Variants in CHD9 observed in about 807,000 individuals in gnomAD.
CHD9 encodes ATP-dependent chromatin remodeler CHD9.
A neutral mutation model predicts 316.1 loss-of-function variants in CHD9; 77 were observed. That is an observed-to-expected ratio of 0.24 (90% CI 0.20 to 0.29). The LOEUF is 0.29. Ranked by LOEUF, CHD9 falls within the 10% of genes least tolerant of loss-of-function variation. CHD9 has a pLI of 1.00. For missense variants in CHD9, 2,763 were observed against 3,438.1 expected, an observed-to-expected ratio of 0.80 and a Z score of 4.91; for synonymous variants, 1,129 against 1,158.3, an observed-to-expected ratio of 0.97 and a Z score of 0.51.
chr16:53,282,085 T>A (rs190094975), intron 24 of CHD9, among the ~76,000 whole-genome samples: 1 of 152,298 alleles, frequency 6.6e-6, no homozygotes, highest in East Asian at 1.9e-4. Flanking sequence ...TCTGATCCAC[T>A]TGTAATTTTC....
intron 2 of CHD9, among the ~76,000 whole-genome samples, chr16:53,204,594 C>G (rs766342191): frequency 2.6e-5 from 4 of 151,932 alleles, no homozygotes; most frequent in South Asian, 2.1e-4. Context: ...TGTCTGGACC[C>G]TTTAAATGTG....
At chr16:53,067,761 C>T (rs1052338457) in intron 1 of CHD9, among the ~76,000 whole-genome samples, 2 of 152,134 alleles carry the variant, frequency 1.3e-5, no homozygotes, top group African/African-American at 4.8e-5. Context: ...TAGCGTTTGT[C>T]AGGTTTCTCC....
At chr16:53,282,609 A>G (rs2153035777) in intron 24 of CHD9, among the ~76,000 whole-genome samples, 1 of 152,290 alleles carries the variant, frequency 6.6e-6, no homozygotes. Context: ...ACTGTCTCAA[A>G]AAAACAGAAA....
chr16:53,318,050 C>T (rs1343276057), intron 36 of CHD9, among the ~76,000 whole-genome samples, 162 bp from the exon 37 acceptor site: 1 of 151,742 alleles, frequency 6.6e-6, no homozygotes, highest in African/African-American at 2.4e-5. Flanking sequence ...GAGCAAGACC[C>T]TGTCTCAAAA....
At chr16:53,267,236 C>A in intron 20 of CHD9, 58 bp from the exon 21 acceptor site, 1 of 1,173,410 alleles carries the variant, frequency 8.5e-7, no homozygotes, top group Non-Finnish European at 1.2e-6. Context: ...AAATGTAGAA[C>A]ACTGTTGTAA....
At chr16:53,209,357 A>G in intron 2 of CHD9, 125 bp from the exon 3 acceptor site, 1 of 661,964 alleles carries the variant, frequency 1.5e-6, no homozygotes, top group Non-Finnish European at 2.5e-6. Context: ...ATTTGTTTGT[A>G]GCACTCACAT....
chr16:53,257,831 C>T (rs930216526), intron 19 of CHD9, among the ~76,000 whole-genome samples: 1 of 152,086 alleles, frequency 6.6e-6, no homozygotes, highest in African/African-American at 2.4e-5. Flanking sequence ...TAAAACTAGT[C>T]ATGACTAAGT....
chr16:53,202,536 G>T (rs958689059), intron 2 of CHD9, among the ~76,000 whole-genome samples: 1 of 151,876 alleles, frequency 6.6e-6, no homozygotes, highest in Non-Finnish European at 1.5e-5. Context: ...CTACACTCTG[G>T]ATTTTACTGA....
chr16:53,264,402 T>C (rs2051452431), intron 20 of CHD9, among the ~76,000 whole-genome samples: 1 of 152,102 alleles, frequency 6.6e-6, no homozygotes, highest in African/African-American at 2.4e-5. Context: ...GGAGCAATGG[T>C]ACATTCATAC....
chr16:53,198,076 A>G (rs769743250), intron 2 of CHD9, among the ~76,000 whole-genome samples: 7 of 152,056 alleles, frequency 4.6e-5, no homozygotes, highest in Non-Finnish European at 8.8e-5. Context: ...GGGTTTTTCT[A>G]TAGTACTCCA....
chr16:53,149,519 T>C (rs1434861390), intron 1 of CHD9, among the ~76,000 whole-genome samples: 2 of 151,980 alleles, frequency 1.3e-5, no homozygotes, highest in East Asian at 3.9e-4. Flanking sequence ...TTCATCAGTG[T>C]GTAATATCCT....
At chr16:53,150,048 T>C (rs1312808358) in intron 1 of CHD9, among the ~76,000 whole-genome samples, 1 of 152,156 alleles carries the variant, frequency 6.6e-6, no homozygotes, top group Non-Finnish European at 1.5e-5. Context: ...TTCATTTTTA[T>C]CCATTCTGCT....
At chr16:53,167,543 T>C (rs2042355579) in intron 2 of CHD9, among the ~76,000 whole-genome samples, 1 of 152,184 alleles carries the variant, frequency 6.6e-6, no homozygotes, top group South Asian at 2.1e-4. Context: ...TAGTGATTTG[T>C]AATGAGTAAT....
At chr16:53,193,333 C>T (rs1353516818) in intron 2 of CHD9, among the ~76,000 whole-genome samples, 1 of 151,882 alleles carries the variant, frequency 6.6e-6, no homozygotes, top group Non-Finnish European at 1.5e-5. Context: ...CCTGTAGTCC[C>T]AGCTACTCTG....
At chr16:53,184,484 A>G (rs1250783102) in intron 2 of CHD9, among the ~76,000 whole-genome samples, 2 of 151,906 alleles carry the variant, frequency 1.3e-5, no homozygotes, top group African/African-American at 4.8e-5. Context: ...CTACAGGTAC[A>G]CACCAGCATG....
chr16:53,268,187 C>A, intron 22 of CHD9, 61 bp downstream of exon 22: 1 of 1,092,130 alleles, frequency 9.2e-7, no homozygotes, highest in Non-Finnish European at 1.3e-6. Context: ...TAATACTTAA[C>A]ATATTCTCCT....
intron 1 of CHD9, among the ~76,000 whole-genome samples, chr16:53,060,376 A>G (rs910242575): frequency 4.0e-5 from 6 of 150,426 alleles, no homozygotes; most frequent in Non-Finnish European, 1.5e-5. Flanking sequence ...CACTTTGTGA[A>G]GCTGAGGCAG....
intron 2 of CHD9, among the ~76,000 whole-genome samples, chr16:53,208,902 A>G (rs1024997919): frequency 2.0e-5 from 3 of 152,206 alleles, no homozygotes; most frequent in Non-Finnish European, 4.4e-5. Context: ...AAAAAGAAAA[A>G]AAATTTTCAC....
intron 1 of CHD9, among the ~76,000 whole-genome samples, chr16:53,080,561 C>T (rs1017362819): frequency 1.3e-5 from 2 of 152,012 alleles, no homozygotes; most frequent in African/African-American, 2.4e-5. Flanking sequence ...TTGAACACAA[C>T]GAGGGGGAAG....
Sources: allele counts gnomAD v4.1 joint callset (sites outside exome capture counted in the v4.1 genomes callset), GRCh38; gene constraint gnomAD v4.1.1; transcripts MANE v1.5; gene names NCBI Gene and HGNC (gene_info 2026-07-23, HGNC 2026-07-21).